CRNKL1: variants seen among roughly 807,000 people sequenced by gnomAD.
CRNKL1 encodes crooked neck pre-mRNA splicing factor 1.
CRNKL1 carries 35 observed loss-of-function variants against 103.7 expected under a neutral mutation model. That is an observed-to-expected ratio of 0.34 (90% CI 0.26 to 0.45). The LOEUF is 0.45. Ranked by LOEUF, CRNKL1 falls within the 20% of genes least tolerant of loss-of-function variation. The probability of loss-of-function intolerance (pLI) is 1.00; values close to 1 mark genes in which losing one functional copy is unlikely to be tolerated. For synonymous variants in CRNKL1, 267 were observed against 282.6 expected, an observed-to-expected ratio of 0.94 and a Z score of 0.55; for missense variants, 645 against 836.0, an observed-to-expected ratio of 0.77 and a Z score of 2.82.
At chr20:20,044,345 G>A (rs551393949) in intron 6 of CRNKL1, among the ~76,000 whole-genome samples, 2 of 152,292 alleles carry the variant, frequency 1.3e-5, no homozygotes, top group South Asian at 2.1e-4. Context: ...AGCATGGTCC[G>A]TGCAAGACCT....
chr20:20,054,651 TG>T (rs1278302951), upstream of CRNKL1, among the ~76,000 whole-genome samples: 1 of 152,246 alleles, frequency 6.6e-6, no homozygotes, highest in Non-Finnish European at 1.5e-5. Context: ...AGACAACATG[TG>T]GCTCATAAAG....
At chr20:20,038,655 A>T in intron 11 of CRNKL1, 1 of 436,170 alleles carries the variant, frequency 2.3e-6, no homozygotes, top group Non-Finnish European at 4.0e-6. Flanking sequence ...TTACAGAAAA[A>T]GGGCCTTGGA....
At chr20:20,040,151 C>G (rs1050642150) in intron 10 of CRNKL1, among the ~76,000 whole-genome samples, 3 of 151,906 alleles carry the variant, frequency 2.0e-5, no homozygotes, top group Admixed American at 6.6e-5. Flanking sequence ...ATAAAACCTC[C>G]TATAAATAAA....
intron 9 of CRNKL1, among the ~76,000 whole-genome samples, chr20:20,041,248 G>A (rs2043509297): frequency 6.6e-6 from 1 of 152,210 alleles, no homozygotes. Flanking sequence ...CACACTCACT[G>A]TTACCAACAA....
rs1475839119 is a variant in CRNKL1 at position 20,042,414 on chromosome 20, T to C, written c.1075A>G (p.Asn359Asp). Residue 359 changes from asparagine (N) to aspartate (D), a missense_variant, in exon 8 of 14, where the codon AAT becomes GAT. Asn to Asp is a conservative substitution (Grantham distance 23). Transcript: ENST00000536226. Reference sequence around the variant, plus strand: ...CTCTTCTCCTGAATGGGTGGGACATTGGCAATGGCCCTTTCATAGACTTCT... The same window carrying C: ...CTCTTCTCCTGAATGGGTGGGACATCGGCAATGGCCCTTTCATAGACTTCT... ...VREVYERAIA[N>D]VPPIQEKRHW... The C allele has an allele frequency of 6.2e-7, 1 of 1,614,178 alleles. No homozygotes were observed. Among genetic ancestry groups the C allele is most frequent in the Non-Finnish European group, 8.5e-7 (1 of 1,180,028 alleles).
At chr20:20,048,695 T>C (rs1053040297) in intron 3 of CRNKL1, among the ~76,000 whole-genome samples, 194 bp from the exon 4 acceptor site, 2 of 152,228 alleles carry the variant, frequency 1.3e-5, no homozygotes, top group East Asian at 1.9e-4. Context: ...CATGCAATTA[T>C]AATGCAATGT....
At chr20:20,052,152 C>G (rs554288451) in intron 1 of CRNKL1, 140 bp downstream of exon 1, 30 of 769,892 alleles carry the variant, frequency 3.9e-5, no homozygotes, top group African/African-American at 8.7e-5. Context: ...CGCGCCCCAC[C>G]ACCAGCTGCC....
intron 12 of CRNKL1, 114 bp from the exon 13 acceptor site, chr20:20,037,685 C>G (rs772484791): frequency 1.3e-4 from 120 of 945,324 alleles, no homozygotes; most frequent in Admixed American, 4.1e-4. Context: ...GTGTGCATCA[C>G]TAATGTTTCA....
Position 20,049,323 on chromosome 20 carries a change from A to G in CRNKL1, c.296+17T>C, listed in dbSNP as rs1568764466. The G allele has an allele frequency of 3.0e-6, 4 of 1,317,760 alleles. No homozygotes were observed. Among genetic ancestry groups the G allele is most frequent in the Non-Finnish European group, 4.3e-6 (4 of 923,798 alleles). The allele number at this position is 1,317,760 out of a possible 1,614,324, so 81.6% of individuals were successfully genotyped here. The stretch of plus-strand genomic sequence containing the variant: ...TATGAATCATTATATACAAAACTAC[A>G]CTCTCAGTAATTTTACCTTTGAATC... On this transcript the variant is annotated intron_variant, in intron 3 of 13. Coordinates refer to ENST00000536226, the MANE Select transcript of CRNKL1 (RefSeq NM_001278628.2).
upstream of CRNKL1, chr20:20,052,677 T>C (rs755270384): frequency 6.2e-7 from 1 of 1,612,982 alleles, no homozygotes; most frequent in South Asian, 1.1e-5. Context: ...CCTCCGGAAC[T>C]GGGATGACCA....
upstream of CRNKL1, chr20:20,052,838 C>T: frequency 1.0e-6 from 1 of 994,178 alleles, no homozygotes; most frequent in Non-Finnish European, 1.5e-6. Flanking sequence ...CCCTTTTAGG[C>T]TGCAATGCCT....
chr20:20,041,522 G>C (rs776507926), intron 9 of CRNKL1, 44 bp downstream of exon 9: 17 of 1,414,594 alleles, frequency 1.2e-5, no homozygotes, highest in Non-Finnish European at 1.7e-5. Context: ...TAACAGAAGA[G>C]GATTCTGACC....
At chr20:20,055,815 C>T, upstream of CRNKL1, 2 of 674,890 alleles carry the variant, frequency 3.0e-6, no homozygotes, top group Non-Finnish European at 5.2e-6. Flanking sequence ...ATTGTTTTCC[C>T]TGTTTTGAGC....
intron 5 of CRNKL1, among the ~76,000 whole-genome samples, chr20:20,046,375 TA>T (rs1477074489): frequency 6.6e-6 from 1 of 152,136 alleles, no homozygotes; most frequent in Admixed American, 6.5e-5. Context: ...CTAATAATAT[TA>T]AAATTAGTAG....
Position 20,035,331 on chromosome 20 carries a change from G to GACTT in CRNKL1, c.*860_*863dup, listed in dbSNP as rs1426184183. On this transcript the variant is annotated 3_prime_UTR_variant, in exon 14 of 14. Transcript: ENST00000536226. ...AACTATAAAGAGATTTGATTAACGA[G>GACTT]ACTTAAGTCTTAGTCCAGAATTTCC... 6.6e-6 allele frequency: 1 copy of GACTT among 152,128 alleles called. No individual in the cohort carries two copies. The highest frequency in any genetic ancestry group is 1.5e-5 in the Non-Finnish European group (1 of 68,032). 9.4% of individuals were successfully genotyped at this position (152,128 alleles called of 1,614,324 possible). A position where few individuals can be genotyped will look rare whatever the true frequency, so the allele number is the denominator to read the frequency against.
At chr20:20,052,500 G>A (rs778892952), upstream of CRNKL1, 10 of 1,614,142 alleles carry the variant, frequency 6.2e-6, no homozygotes, top group Admixed American at 1.7e-5. Flanking sequence ...CGCTTGAGCC[G>A]TGACGGAGGC....
chr20:20,048,359 G>T lies in CRNKL1; in HGVS notation c.439C>A (p.Arg147=). 1 of 1,614,210 alleles carries T rather than the reference G, an allele frequency of 6.2e-7. No individual in the cohort carries two copies. The highest frequency in any genetic ancestry group is 8.5e-7 in the Non-Finnish European group (1 of 1,180,042). Residue 147 remains arginine (R), a synonymous_variant, in exon 4 of 14, where the codon CGA becomes AGA. Transcript: ENST00000536226. ...IWDRAITTLP[R]VNQFWYKYTY... is the part of the protein sequence containing the mutation. The stretch of plus-strand genomic sequence containing the variant: ...GAAACTTACCAGAACTGATTAACTC[G>T]AGGCAGCGTTGTTATGGCCCGGTCC...
At chr20:20,052,226 A>ACC in intron 1 of CRNKL1, 66 bp downstream of exon 1, 1 of 1,379,574 alleles carries the variant, frequency 7.2e-7, no homozygotes. Context: ...CAACCCGGGC[A>ACC]CCCTCAGGGC....
chr20:20,034,509 G>C lies in CRNKL1; in HGVS notation c.*1686C>G, dbSNP rs929688703. ...CATGCTTATTACAATTCTACCTTGG[G>C]AACATGACAGAATTTTTTTCTTATG... is the stretch of plus-strand genomic sequence containing the variant. On this transcript the variant is annotated 3_prime_UTR_variant, in exon 14 of 14. Coordinates refer to ENST00000536226, the MANE Select transcript of CRNKL1 (RefSeq NM_001278628.2). 1 of 151,844 alleles carries C rather than the reference G, an allele frequency of 6.6e-6. No individual in the cohort carries two copies. The highest frequency in any genetic ancestry group is 1.5e-5 in the Non-Finnish European group (1 of 67,962). The allele number at this position is 151,844 out of a possible 1,614,324, so 9.4% of individuals were successfully genotyped here.
Sources: allele counts gnomAD v4.1 joint callset (sites outside exome capture counted in the v4.1 genomes callset), GRCh38; gene constraint gnomAD v4.1.1; transcripts MANE v1.5; gene names NCBI Gene and HGNC (gene_info 2026-07-23, HGNC 2026-07-21).